Variants in ABCB8 observed in about 807,000 individuals in gnomAD.
ABCB8 encodes mitochondrial potassium channel ATP-binding subunit.
In ABCB8, 52 loss-of-function variants were observed where a neutral mutation model predicts 73.0. The observed-to-expected ratio is 0.71, with a 90% confidence interval of 0.57 to 0.90. ABCB8 has a LOEUF of 0.90. ABCB8 is among the 40% of genes least tolerant of loss of function. The pLI is 0.00. For synonymous variants in ABCB8, 428 were observed against 423.5 expected (o/e 1.01, Z -0.13); for missense variants, 909 against 974.6 (o/e 0.93, Z 0.90).
Position 151,034,616 on chromosome 7 carries a change from G to C in ABCB8, c.659+17G>C. ...CCTGCTCCGGTACTGCCAGCCGCAGGGTGCAGAGTTGGGGTGACTGATGGC... is the reference window on the plus strand; with the variant it reads ...CCTGCTCCGGTACTGCCAGCCGCAGCGTGCAGAGTTGGGGTGACTGATGGC... On this transcript the variant is annotated intron_variant, in intron 4 of 15. Transcript: ENST00000358849. The C allele has an allele frequency of 1.9e-6, 3 of 1,613,888 alleles. No homozygotes were observed. Among genetic ancestry groups the C allele is most frequent in the Non-Finnish European group, 2.5e-6 (3 of 1,179,964 alleles).
chr7:151,035,435 C>A, intron 5 of ABCB8, 146 bp from the exon 6 acceptor site: 1 of 922,784 alleles, frequency 1.1e-6, no homozygotes, highest in Non-Finnish European at 1.6e-6. Context: ...CGTACTGTGA[C>A]CGGTGGACTG....
Position 151,034,600 on chromosome 7 carries a change from G to A in ABCB8, c.659+1G>A, listed in dbSNP as rs773620797. 6.2e-7 allele frequency: 1 copy of A among 1,613,854 alleles called. No individual in the cohort carries two copies. The highest frequency in any genetic ancestry group is 8.5e-7 in the Non-Finnish European group (1 of 1,179,992). On this transcript the variant is annotated splice_donor_variant, in intron 4 of 15. Transcript: ENST00000358849. LOFTEE classifies it high-confidence loss of function. Reference sequence around the variant, plus strand: ...GGGCCCTCTTCAGCTCCCTGCTCCGGTACTGCCAGCCGCAGGGTGCAGAGT... The same window carrying A: ...GGGCCCTCTTCAGCTCCCTGCTCCGATACTGCCAGCCGCAGGGTGCAGAGT...
Position 151,040,630 on chromosome 7 carries a change from TTCAGG to T in ABCB8, c.1388+1_1388+5del. 1.2e-6 allele frequency: 2 copies of T among 1,612,438 alleles called. No homozygotes were observed. The highest frequency in any genetic ancestry group is 1.7e-6 in the Non-Finnish European group (2 of 1,179,516). On this transcript the variant is annotated splice_donor_variant and coding_sequence_variant, in exon 11 of 16. Coordinates refer to ENST00000358849, the MANE Select transcript of ABCB8 (RefSeq NM_007188.5). LOFTEE classifies it high-confidence loss of function. ...CTCCGTTACATTTCAGAACGTCTGC[TTCAGG>T]TCAGCACGGGTGAGCAGGCGTGGGG...
intron 1 of ABCB8, 37 bp from the exon 2 acceptor site, chr7:151,033,568 G>C (rs747963237): frequency 3.9e-6 from 6 of 1,520,376 alleles, no homozygotes. Flanking sequence ...GAGGGCAGTC[G>C]GAGCCTCAAG....
At chr7:151,032,309 C>T (rs1366978840) in intron 1 of ABCB8, among the ~76,000 whole-genome samples, 2 of 152,202 alleles carry the variant, frequency 1.3e-5, no homozygotes, top group African/African-American at 4.8e-5. Context: ...GTGAGTCTCC[C>T]GCACTCAAGC....
At chr7:151,034,904 G>A (rs576303853) in intron 5 of ABCB8, 75 bp downstream of exon 5, 33 of 1,351,850 alleles carry the variant, frequency 2.4e-5, no homozygotes, top group South Asian at 5.2e-5. Context: ...AGCCCTGCCC[G>A]CCCCAGCCCT....
At position 151,033,882 on chromosome 7, in the gene ABCB8, C is replaced by T. The variant is rs1796231677; in HGVS notation, c.373C>T (p.His125Tyr). Residue 125 changes from histidine to tyrosine, a missense_variant, in exon 2 of 16, where the codon CAC becomes TAC. By Grantham distance (83) the His-to-Tyr change is moderately conservative. Transcript: ENST00000358849. ...CTGGAAGCTCTTCTGGCAGTTTCTG[C>T]ACCCCCACCTGCTGGTCCTGGGGGT... ...FNWKLFWQFL[H>Y]PHLLVLGVAV... 1.9e-6 allele frequency: 3 copies of T among 1,608,954 alleles called. No homozygotes were observed. Among genetic ancestry groups the T allele is most frequent in the Non-Finnish European group, 1.7e-6 (2 of 1,176,976 alleles).
intron 1 of ABCB8, among the ~76,000 whole-genome samples, chr7:151,032,299 G>T (rs572985460): frequency 4.6e-5 from 7 of 152,174 alleles, no homozygotes; most frequent in African/African-American, 1.4e-4. Context: ...CCAGTTAACT[G>T]TGAGTCTCCC....
At chr7:151,033,178 G>A (rs1037488477) in intron 1 of ABCB8, 34 of 444,272 alleles carry the variant, frequency 7.7e-5, no homozygotes, top group African/African-American at 3.6e-4. Context: ...TCCAGTGCCG[G>A]GCACAGGAGC....
Position 151,040,838 on chromosome 7 carries a change from C to T in ABCB8, c.1399C>T (p.Arg467Cys), listed in dbSNP as rs561955380. The T allele has an allele frequency of 3.1e-5, 50 of 1,594,568 alleles. No homozygotes were observed. Among genetic ancestry groups the T allele is most frequent in the Non-Finnish European group, 4.1e-5 (48 of 1,170,802 alleles). ...FQNVCFSYPC[R>C]PGFEVLKDFT... ...CTCGGCTCCTCCCAGCTACCCCTGC[C>T]GCCCCGGCTTCGAGGTGCTGAAAGA... Residue 467 changes from arginine (R) to cysteine (C), a missense_variant, in exon 12 of 16, where the codon CGC becomes TGC. By Grantham distance (180) the Arg-to-Cys change is radical. Coordinates refer to ENST00000358849, the MANE Select transcript of ABCB8 (RefSeq NM_007188.5).
intron 1 of ABCB8, among the ~76,000 whole-genome samples, chr7:151,030,706 G>A (rs901119708): frequency 1.1e-4 from 16 of 151,034 alleles, no homozygotes; most frequent in Non-Finnish European, 1.9e-4. Context: ...TTGAGGGGCC[G>A]GGGCAGGCAG....
chr7:151,029,008 A>G, intron 1 of ABCB8: 1 of 1,210,004 alleles, frequency 8.3e-7, no homozygotes, highest in South Asian at 1.4e-5. Flanking sequence ...GAAGAACTAG[A>G]GATGTTCAGC....
chr7:151,028,823 C>T (rs1273482002), intron 1 of ABCB8: 4 of 1,556,112 alleles, frequency 2.6e-6, no homozygotes, highest in Non-Finnish European at 1.7e-6. Context: ...TCTGCAGCCG[C>T]GTGTCAGCCA....
At chr7:151,032,921 A>G (rs1796202171) in intron 1 of ABCB8, 1 of 436,468 alleles carries the variant, frequency 2.3e-6, no homozygotes. Context: ...ACATCAGAAG[A>G]CATGGCACAC....
intron 14 of ABCB8, among the ~76,000 whole-genome samples, chr7:151,043,284 C>T (rs571593052): frequency 9.2e-5 from 14 of 152,328 alleles, no homozygotes; most frequent in South Asian, 4.1e-4. Flanking sequence ...GCCCTGCTGG[C>T]GGTGTCACAC....
rs200929404 is a variant in ABCB8, at chr7:151,029,386, G to GAGACAGAC, written c.95+788_95+795dup. On this transcript the variant is annotated intron_variant, in intron 1 of 15. Transcript: ENST00000358849. ...CTCTACACAGGTTGGTCGAGAGAGA[G>GAGACAGAC]AGACAGACAGACAGACAGATGGGAA... Among the ~76,000 whole-genome samples, 4 of 151,766 alleles carry GAGACAGAC rather than the reference G, an allele frequency of 2.6e-5. No homozygotes were observed. In the South Asian group the frequency reaches 8.3e-4, roughly 32 times the overall value.
chr7:151,028,459 T>C lies in ABCB8; in HGVS notation c.-57T>C. ...GGGGGCGGGAGCCAACATAGAGCCCTCAGTGGGATGAGGGTGAAACTGCTA... is the reference window on the plus strand; with the variant it reads ...GGGGGCGGGAGCCAACATAGAGCCCCCAGTGGGATGAGGGTGAAACTGCTA... On this transcript the variant is annotated 5_prime_UTR_variant, in exon 1 of 16. Coordinates refer to ENST00000358849, the MANE Select transcript of ABCB8 (RefSeq NM_007188.5). The C allele has an allele frequency of 6.4e-7, 1 of 1,559,772 alleles. No homozygotes were observed. The highest frequency in any genetic ancestry group is 8.7e-7 in the Non-Finnish European group (1 of 1,153,322).
chr7:151,036,904 T>G (rs2117221003), intron 9 of ABCB8: 1 of 747,218 alleles, frequency 1.3e-6, no homozygotes. Context: ...CCCAGAAGTT[T>G]CCTTGACAGG....
intron 1 of ABCB8, chr7:151,028,935 A>C (rs1283633831): frequency 7.4e-7 from 1 of 1,350,982 alleles, no homozygotes; most frequent in Admixed American, 2.4e-5. Context: ...TTGGACGAAA[A>C]TTCTTATTAG....
Sources: gnomAD v4.1 joint callset for allele counts (sites outside exome capture counted in the v4.1 genomes callset) on GRCh38, gnomAD v4.1.1 for gene constraint, MANE v1.5 for transcripts, NCBI Gene and HGNC (gene_info 2026-07-23, HGNC 2026-07-21) for gene names.